ZZEF1: variants seen among roughly 807,000 people sequenced by gnomAD.
The protein encoded by ZZEF1 is zinc finger ZZ-type and EF-hand domain-containing protein 1.
A neutral mutation model predicts 342.8 loss-of-function variants in ZZEF1; 157 were observed. That is an observed-to-expected ratio of 0.46 (90% CI 0.40 to 0.52). ZZEF1 has a LOEUF of 0.52. ZZEF1 is among the 20% of genes least tolerant of loss of function. The probability of loss-of-function intolerance (pLI) is 0.00; values close to 1 mark genes in which losing one functional copy is unlikely to be tolerated. For missense variants in ZZEF1, 3,480 were observed against 3,725.6 expected (o/e 0.93, Z 1.72); for synonymous variants, 1,505 against 1,429.1 (o/e 1.05, Z -1.20).
At chr17:4,082,777 G>A (rs1467314346) in intron 16 of ZZEF1, among the ~76,000 whole-genome samples, 2 of 152,072 alleles carry the variant, frequency 1.3e-5, no homozygotes, top group Non-Finnish European at 2.9e-5. Flanking sequence ...CTCATAAAGA[G>A]ATATACTTTT....
intron 37 of ZZEF1, among the ~76,000 whole-genome samples, chr17:4,045,683 T>C (rs1177085423): frequency 1.3e-5 from 2 of 152,198 alleles, no homozygotes; most frequent in East Asian, 1.9e-4. Flanking sequence ...TTAATTAACA[T>C]GGAAGGTGTA....
Position 4,051,962 on chromosome 17 carries a change from G to A in ZZEF1, c.5600+9C>T. The A allele has an allele frequency of 6.2e-7, 1 of 1,611,554 alleles. No individual in the cohort carries two copies. Among genetic ancestry groups the A allele is most frequent in the Non-Finnish European group, 8.5e-7 (1 of 1,178,200 alleles). On this transcript the variant is annotated intron_variant, in intron 35 of 54. Coordinates refer to ENST00000381638, the MANE Select transcript of ZZEF1 (RefSeq NM_015113.4). ...AAAGGCTTGGTGGCGACGGTCACTTGAGACATACCCGTAGGAGTATTTCTT... is the reference window on the plus strand; with the variant it reads ...AAAGGCTTGGTGGCGACGGTCACTTAAGACATACCCGTAGGAGTATTTCTT...
rs546846835 is a variant in ZZEF1, at chr17:4,041,392, T to C, written c.6306+1037A>G. On this transcript the variant is annotated intron_variant, in intron 39 of 54. Transcript: ENST00000381638. ...GTAGAAGTTCACGTAAAAATGCTCC[T>C]CTGAGTCTGAGCATCTCCAGGCAAA... Among the ~76,000 whole-genome samples, 19 of 152,104 alleles carry C rather than the reference T, an allele frequency of 1.2e-4. No homozygotes were observed. In the East Asian group the frequency reaches 3.3e-3, roughly 26 times the overall value.
Position 4,013,659 on chromosome 17 carries a change from A to C in ZZEF1, c.8414-45T>G, listed in dbSNP as rs371356444. 22 of 1,539,996 alleles carry C rather than the reference A, an allele frequency of 1.4e-5. No homozygotes were observed. In the African/African-American group the frequency reaches 3.0e-4, roughly 21 times the overall value. On this transcript the variant is annotated intron_variant, in intron 51 of 54. Coordinates refer to ENST00000381638, the MANE Select transcript of ZZEF1 (RefSeq NM_015113.4). ...ACGGATATATAAACAGAGATACGTA[A>C]TAAGTAATATTATTATTAAATAAAG...
intron 11 of ZZEF1, 61 bp downstream of exon 11, chr17:4,095,770 T>G (rs1406588526): frequency 2.0e-6 from 3 of 1,524,472 alleles, no homozygotes; most frequent in East Asian, 2.3e-5. Flanking sequence ...TACATTCTTA[T>G]TAACTACAAA....
intron 2 of ZZEF1, among the ~76,000 whole-genome samples, chr17:4,121,685 A>G (rs991918269): frequency 5.3e-5 from 8 of 152,244 alleles, no homozygotes; most frequent in South Asian, 4.1e-4. Context: ...CATGTATAAC[A>G]TTACATAATT....
intron 9 of ZZEF1, among the ~76,000 whole-genome samples, chr17:4,097,403 T>A (rs1220351600): frequency 6.6e-6 from 1 of 150,710 alleles, no homozygotes; most frequent in African/African-American, 2.4e-5. Flanking sequence ...GCCTACTGGC[T>A]TAGTGGCTGA....
chr17:4,062,106 A>G (rs978453671), intron 30 of ZZEF1, among the ~76,000 whole-genome samples: 1 of 151,824 alleles, frequency 6.6e-6, no homozygotes, highest in Non-Finnish European at 1.5e-5. Flanking sequence ...TCCTTGGACT[A>G]ACTCCCCCCC....
In ZZEF1 at chr17:4,044,417, A is replaced by G. The variant is rs759549643; in HGVS notation, c.6016-43T>C. Reference sequence around the variant, plus strand: ...TAAAAGAATTAAGGTTTCTTATAACAAAGTTTGCTCCATGATTATGATAAC... The same window carrying G: ...TAAAAGAATTAAGGTTTCTTATAACGAAGTTTGCTCCATGATTATGATAAC... On this transcript the variant is annotated intron_variant, in intron 37 of 54. Transcript: ENST00000381638. 11 of 1,563,398 alleles carry G rather than the reference A, an allele frequency of 7.0e-6. No homozygotes were observed. The Admixed American group carries it at 1.5e-4, about 21-fold the overall frequency.
chr17:4,075,377 G>C lies in ZZEF1; in HGVS notation c.3287C>G (p.Thr1096Arg), dbSNP rs767109499. ...QEQPVVLHTW[T>R]KESAHNYENN... is the part of the protein sequence containing the mutation. ...TTCATAGTTGTGGGCAGATTCCTTC[G>C]TCCACGTATGTAACACCACAGGCTG... The change falls in exon 22 of 55, where the codon ACG becomes AGG. Residue 1096 changes from threonine to arginine, a missense_variant. Physicochemically the swap from Thr to Arg is moderately conservative, Grantham distance 71. Transcript: ENST00000381638. 6.8e-6 allele frequency: 11 copies of C among 1,614,116 alleles called. No individual in the cohort carries two copies. The highest frequency in any genetic ancestry group is 1.6e-4 in the Middle Eastern group (1 of 6,062).
At chr17:4,123,210 G>A (rs1170894183) in intron 2 of ZZEF1, among the ~76,000 whole-genome samples, 3 of 143,808 alleles carry the variant, frequency 2.1e-5, no homozygotes, top group African/African-American at 5.1e-5. Context: ...GTAAGCCACC[G>A]CGCCCGGCCT....
chr17:4,137,598 ACT>A (rs996178385), intron 1 of ZZEF1, among the ~76,000 whole-genome samples: 24 of 151,882 alleles, frequency 1.6e-4, no homozygotes, highest in Non-Finnish European at 3.2e-4. Context: ...GGCAACAGAG[ACT>A]CTGTCTCAAA....
chr17:4,013,865 C>A (rs377446687), intron 51 of ZZEF1, among the ~76,000 whole-genome samples: 61 of 152,234 alleles, frequency 4.0e-4, no homozygotes, highest in South Asian at 8.3e-4. Flanking sequence ...GCATCTTTTT[C>A]GGGTCCTGAC....
At position 4,021,309 on chromosome 17, in the gene ZZEF1, G is replaced by C; in HGVS notation, c.7224C>G (p.Ile2408Met). ...WLLRDLEILS[I>M]MLYSSKKEIN... ...TCTCCTTTTTTGAGGAGTACAGCAT[G>C]ATGGACAAAATCTACACAGAAAGAA... Residue 2408 changes from isoleucine to methionine, a missense_variant, in exon 45 of 55, where the codon ATC (isoleucine) becomes ATG (methionine). Physicochemically the swap from Ile to Met is conservative, Grantham distance 10. Transcript: ENST00000381638. The C allele has an allele frequency of 6.2e-7, 1 of 1,604,036 alleles. No homozygotes were observed. The highest frequency in any genetic ancestry group is 8.5e-7 in the Non-Finnish European group (1 of 1,174,482).
chr17:4,076,818 AC>A, intron 20 of ZZEF1, 49 bp downstream of exon 20: 4 of 1,610,796 alleles, frequency 2.5e-6, no homozygotes, highest in Non-Finnish European at 3.4e-6. Context: ...GGGGATGCAG[AC>A]CCCCAACCCC....
At chr17:4,037,331 T>A (rs1215096214) in intron 39 of ZZEF1, among the ~76,000 whole-genome samples, 1 of 152,192 alleles carries the variant, frequency 6.6e-6, no homozygotes, top group African/African-American at 2.4e-5. Context: ...GTCAAAACTG[T>A]GTTCCACCTG....
rs1257302389 is a variant in ZZEF1 at position 4,115,034 on chromosome 17, GA to G, written c.695-565del. Among the ~76,000 whole-genome samples, 2 of 151,746 alleles carry G rather than the reference GA, an allele frequency of 1.3e-5. 1 individual carries two copies. The highest frequency in any genetic ancestry group is 1.3e-4 in the Admixed American group (2 of 15,232). On this transcript the variant is annotated intron_variant, in intron 3 of 54. Transcript: ENST00000381638. ...TAACCCACGTGCTTTTTTTTGTTGA[GA>G]TTTTTTTGAGAGGGTCTCACTCTGT...
At chr17:4,042,046 A>C (rs2056814570) in intron 39 of ZZEF1, among the ~76,000 whole-genome samples, 1 of 152,188 alleles carries the variant, frequency 6.6e-6, no homozygotes, top group Non-Finnish European at 1.5e-5. Context: ...TTGAGGGTGA[A>C]GTGTCAATGA....
chr17:4,012,776 A>C (rs2055997857), intron 52 of ZZEF1, among the ~76,000 whole-genome samples: 1 of 152,228 alleles, frequency 6.6e-6, no homozygotes, highest in Non-Finnish European at 1.5e-5. Context: ...GAACAAAGTA[A>C]GGTCACTGGA....
Sources: allele counts gnomAD v4.1 joint callset (sites outside exome capture counted in the v4.1 genomes callset), GRCh38; gene constraint gnomAD v4.1.1; transcripts MANE v1.5; gene names NCBI Gene and HGNC (gene_info 2026-07-23, HGNC 2026-07-21).